The following TCF25 variants were observed in gnomAD, a reference collection of about 807,000 sequenced individuals.
TCF25 encodes the protein ribosome quality control complex subunit TCF25.
In TCF25, 41 loss-of-function variants were observed where a neutral mutation model predicts 83.1. The observed-to-expected ratio is 0.49, with a 90% CI of 0.38 to 0.64. TCF25 has a LOEUF of 0.64. Ranked by LOEUF, TCF25 falls within the 30% of genes least tolerant of loss-of-function variation. The pLI, the probability that TCF25 is intolerant of heterozygous loss-of-function variation, is 0.00. For synonymous variants in TCF25, 458 were observed against 365.0 expected, an observed-to-expected ratio of 1.25 and a Z score of -2.90; for missense variants, 979 against 914.5, an observed-to-expected ratio of 1.07 and a Z score of -0.91.
intron 12 of TCF25, among the ~76,000 whole-genome samples, chr16:89,903,249 G>A (rs943781443): frequency 5.3e-5 from 8 of 152,260 alleles, no homozygotes; most frequent in Non-Finnish European, 8.8e-5. Context: ...ATCACTGCAG[G>A]CTCTGCCCTC....
At chr16:89,905,804 C>G (rs2044726369) in intron 14 of TCF25, among the ~76,000 whole-genome samples, 1 of 152,242 alleles carries the variant, frequency 6.6e-6, no homozygotes, top group Non-Finnish European at 1.5e-5. Flanking sequence ...CTGTACTGCT[C>G]TCCAAGAGCG....
rs779212658 is a variant in TCF25, at chr16:89,900,802, A to G, written c.1381+8A>G. 1 of 1,564,218 alleles carries G rather than the reference A, an allele frequency of 6.4e-7. No homozygotes were observed. Among genetic ancestry groups the G allele is most frequent in the Non-Finnish European group, 8.8e-7 (1 of 1,140,662 alleles). On this transcript the variant is annotated splice_region_variant and intron_variant, in intron 12 of 17. Coordinates refer to ENST00000263346, the MANE Select transcript of TCF25 (RefSeq NM_014972.3). ...TCACCATGTTCCCTGGAGGTGAGTGAGCGCTGTGTCTCGCCTGGGGTAGGG... is the reference window on the plus strand; with the variant it reads ...TCACCATGTTCCCTGGAGGTGAGTGGGCGCTGTGTCTCGCCTGGGGTAGGG...
intron 16 of TCF25, chr16:89,910,103 T>G (rs2045426818): frequency 6.3e-6 from 1 of 158,072 alleles, no homozygotes; most frequent in Non-Finnish European, 1.4e-5. Flanking sequence ...CCCTCCGCTG[T>G]GGAGCCCAGG....
chr16:89,874,556 C>G (rs1304958036), intron 1 of TCF25: 1 of 152,512 alleles, frequency 6.6e-6, no homozygotes, highest in Non-Finnish European at 1.5e-5. Context: ...TCAGCCTAAC[C>G]CAGCGGATTA....
In TCF25 at chr16:89,900,752, G is replaced by C; in HGVS notation, c.1339G>C (p.Ala447Pro). Residue 447 changes from alanine to proline, a missense_variant, in exon 12 of 18, where the codon GCC (alanine) becomes CCC (proline). Coordinates refer to ENST00000263346, the MANE Select transcript of TCF25 (RefSeq NM_014972.3). ...TGAGCAGAGCTCTGCCAGGCAGAAG[G>C]CCTCTCTCCTGATACAGCAGGCGCT... ...ECEQSSARQKASLLIQQALTM... is the reference protein window; with the variant it reads ...ECEQSSARQKPSLLIQQALTM... The C allele has an allele frequency of 6.3e-7, 1 of 1,595,924 alleles. No individual in the cohort carries two copies. Among genetic ancestry groups the C allele is most frequent in the Non-Finnish European group, 8.6e-7 (1 of 1,164,746 alleles).
intron 16 of TCF25, among the ~76,000 whole-genome samples, chr16:89,908,270 T>C (rs115361215): frequency 0.2 from 11,182 of 56,004 alleles, 1,417 homozygotes; most frequent in African/African-American, 0.47. Flanking sequence ...CAGCTCCCTC[T>C]TCCCTCCTCC....
At chr16:89,888,866 T>TA (rs1341597014) in intron 5 of TCF25, among the ~76,000 whole-genome samples, 1 of 143,716 alleles carries the variant, frequency 7.0e-6, no homozygotes, top group Non-Finnish European at 1.5e-5. Context: ...TTTTTTTTTT[T>TA]AGTAGAGACG....
intron 1 of TCF25, 37 bp downstream of exon 1, chr16:89,873,896 C>T: frequency 6.8e-7 from 1 of 1,478,344 alleles, no homozygotes; most frequent in South Asian, 1.3e-5. Flanking sequence ...GGTGGGGTGG[C>T]CCTTGACGTT....
intron 5 of TCF25, among the ~76,000 whole-genome samples, chr16:89,888,637 T>C (rs1286521324): frequency 6.6e-6 from 1 of 150,740 alleles, no homozygotes; most frequent in African/African-American, 2.4e-5. Context: ...AAAACTAATG[T>C]GAAGGTCAGG....
At chr16:89,904,851 C>A (rs574586963) in intron 13 of TCF25, 87 bp from the exon 14 acceptor site, 1 of 1,491,566 alleles carries the variant, frequency 6.7e-7, no homozygotes, top group Non-Finnish European at 9.1e-7. Flanking sequence ...CTGGACCCCC[C>A]GTCTGCCCAT....
At chr16:89,894,408 G>C (rs570723660) in intron 7 of TCF25, among the ~76,000 whole-genome samples, 1 of 145,050 alleles carries the variant, frequency 6.9e-6, no homozygotes, top group Non-Finnish European at 1.5e-5. Flanking sequence ...CGGCCCTCAC[G>C]CAGCCGCCGG....
In TCF25 at chr16:89,873,625, G is replaced by A; in HGVS notation, c.-43G>A. ...GCGCGCCGACAGCCGAGTTTTCTGC[G>A]CTTCCTTCTCCCTCTCTCCAGACGT... On this transcript the variant is annotated 5_prime_UTR_variant, in exon 1 of 18. Transcript: ENST00000263346. 3 of 1,466,394 alleles carry A rather than the reference G, an allele frequency of 2.0e-6. No individual in the cohort carries two copies. The highest frequency in any genetic ancestry group is 2.7e-6 in the Non-Finnish European group (3 of 1,112,036). The allele number at this position is 1,466,394 out of a possible 1,614,324, so 90.8% of individuals were successfully genotyped here. A position where few individuals can be genotyped will look rare whatever the true frequency, so the allele number is the denominator to read the frequency against.
intron 12 of TCF25, among the ~76,000 whole-genome samples, chr16:89,902,654 A>G (rs1028088791): frequency 1.4e-5 from 2 of 144,314 alleles, no homozygotes; most frequent in Non-Finnish European, 3.1e-5. Context: ...GCGCCACTGC[A>G]CTCCAGCCTG....
intron 12 of TCF25, among the ~76,000 whole-genome samples, chr16:89,901,559 C>A (rs1441978238): frequency 1.6e-5 from 2 of 126,586 alleles, no homozygotes; most frequent in Non-Finnish European, 3.4e-5. Context: ...TCCTGACTAA[C>A]ACGGTGAAAC....
chr16:89,890,177 G>A (rs2043318028), intron 5 of TCF25: 1 of 152,432 alleles, frequency 6.6e-6, no homozygotes, highest in African/African-American at 2.4e-5. Context: ...GCCTCCCAAA[G>A]TGCTGGGATT....
At chr16:89,883,843 G>A (rs577204468) in intron 2 of TCF25, 74 of 257,594 alleles carry the variant, frequency 2.9e-4, no homozygotes, top group South Asian at 1.0e-3. Context: ...GACCGCGCAC[G>A]TGTGTCCTTC....
intron 16 of TCF25, 193 bp from the exon 17 acceptor site, chr16:89,910,398 C>T: frequency 1.6e-6 from 1 of 621,912 alleles, no homozygotes; most frequent in South Asian, 1.9e-5. Flanking sequence ...ACAGCCCCAC[C>T]CTAAGCTGAT....
At chr16:89,891,473 G>A (rs1192125256) in intron 5 of TCF25, among the ~76,000 whole-genome samples, 1 of 152,240 alleles carries the variant, frequency 6.6e-6, no homozygotes. Context: ...GTGACCGTGG[G>A]CATGGCTGCT....
At chr16:89,878,929 C>T (rs2042389649) in intron 1 of TCF25, among the ~76,000 whole-genome samples, 1 of 152,230 alleles carries the variant, frequency 6.6e-6, no homozygotes, top group Admixed American at 6.5e-5. Flanking sequence ...GCGTGAGCCA[C>T]CGCGCCCAGC....
Sources: gnomAD v4.1 joint callset for allele counts (sites outside exome capture counted in the v4.1 genomes callset) on GRCh38, gnomAD v4.1.1 for gene constraint, MANE v1.5 for transcripts, NCBI Gene and HGNC (gene_info 2026-07-23, HGNC 2026-07-21) for gene names.